SMG5: variants seen among roughly 807,000 people sequenced by gnomAD.
SMG5 encodes SMG5 nonsense mediated mRNA decay factor, also known as nonsense-mediated mRNA decay factor SMG5.
SMG5 carries 53 observed loss-of-function variants against 122.9 expected under a neutral mutation model. That is an observed-to-expected ratio of 0.43 (90% CI 0.35 to 0.54). SMG5 has a LOEUF of 0.54. Among genes scored for constraint, SMG5 ranks in the 20% least tolerant of loss-of-function variants. The pLI, the probability that SMG5 is intolerant of heterozygous loss-of-function variation, is 0.01. For synonymous variants in SMG5, 477 were observed against 490.2 expected (o/e 0.97, Z 0.35); for missense variants, 1,153 against 1,285.6 (o/e 0.90, Z 1.58).
At position 156,268,136 on chromosome 1, in the gene SMG5, C is replaced by A. The variant is rs749722110; in HGVS notation, c.887G>T (p.Ser296Ile). The change falls in exon 9 of 22, where the codon AGC (serine) becomes ATC (isoleucine). Residue 296 changes from serine (S) to isoleucine (I), a missense_variant. Physicochemically the swap from Ser to Ile is moderately radical, Grantham distance 142. Coordinates refer to ENST00000361813, the MANE Select transcript of SMG5 (RefSeq NM_015327.3). ...TCACCTGCTTTTGGGCTGTAGGAGG[C>A]TTTGCAGATACATAAAGTTCACTAG... ...RLLVNFMYLQ[S>I]LLQPKSSSVD... 6.2e-7 allele frequency: 1 copy of A among 1,614,162 alleles called. No individual in the cohort carries two copies. Among genetic ancestry groups the A allele is most frequent in the South Asian group, 1.1e-5 (1 of 91,082 alleles).
At chr1:156,254,112 C>T (rs1572572540) in intron 16 of SMG5, among the ~76,000 whole-genome samples, 1 of 152,296 alleles carries the variant, frequency 6.6e-6, no homozygotes, top group South Asian at 2.1e-4. Flanking sequence ...TTATCAGGTT[C>T]CCTGTCCTGT....
Position 156,278,028 on chromosome 1 carries a change from T to G in SMG5, c.194A>C (p.Lys65Thr). The G allele has an allele frequency of 6.2e-7, 1 of 1,614,126 alleles. No individual in the cohort carries two copies. Among genetic ancestry groups the G allele is most frequent in the Non-Finnish European group, 8.5e-7 (1 of 1,179,996 alleles). The change falls in exon 3 of 22, where the codon AAG (lysine) becomes ACG (threonine). Residue 65 changes from lysine (K) to threonine (T), a missense_variant. Lys to Thr is a moderately conservative substitution (Grantham distance 78). This residue lies in a region of SMG5 where 213 missense variants were observed against 197.5 expected (regional missense o/e 1.08). Coordinates refer to ENST00000361813, the MANE Select transcript of SMG5 (RefSeq NM_015327.3). ...GTCCACTGGGTGCAGGAACATAAGCTTGACGCAGAGCTCACGCAGCCTGGA... is the reference window on the plus strand; with the variant it reads ...GTCCACTGGGTGCAGGAACATAAGCGTGACGCAGAGCTCACGCAGCCTGGA... ...LRNKLRELCV[K>T]LMFLHPVDYG...
chr1:156,269,768 G>C (rs1662319577), intron 7 of SMG5, among the ~76,000 whole-genome samples: 1 of 152,212 alleles, frequency 6.6e-6, no homozygotes, highest in Admixed American at 6.5e-5. Flanking sequence ...CCAGCTACTT[G>C]GGAGGCTGAG....
chr1:156,254,446 G>GTT (rs1661486723), intron 16 of SMG5, among the ~76,000 whole-genome samples: 1 of 152,046 alleles, frequency 6.6e-6, no homozygotes, highest in Admixed American at 6.6e-5. Context: ...TTTTTATTAT[G>GTT]TTTTTCTTTT....
rs1420497269 is a variant in SMG5, at chr1:156,250,082, A to G, written c.*505T>C. Reference sequence around the variant, plus strand: ...CCTGGTCCCCATAAAGGGGGCTGAAAGGAGGATGGGTGATCCTTGAGGAGG... The same window carrying G: ...CCTGGTCCCCATAAAGGGGGCTGAAGGGAGGATGGGTGATCCTTGAGGAGG... On this transcript the variant is annotated 3_prime_UTR_variant, in exon 22 of 22. Coordinates refer to ENST00000361813, the MANE Select transcript of SMG5 (RefSeq NM_015327.3). 2 of 388,126 alleles carry G rather than the reference A, an allele frequency of 5.2e-6. No homozygotes were observed. The highest frequency in any genetic ancestry group is 7.3e-5 in the East Asian group (1 of 13,750). The allele number at this position is 388,126 out of a possible 1,614,324, so 24.0% of individuals were successfully genotyped here.
chr1:156,285,664 C>T (rs1249574827), upstream of SMG5: 13 of 1,613,844 alleles, frequency 8.1e-6, no homozygotes, highest in Admixed American at 1.2e-4. Context: ...AAGACCTTAT[C>T]GTGCGCTGTG....
At chr1:156,269,241 A>ATTAT (rs1293318467) in intron 7 of SMG5, among the ~76,000 whole-genome samples, 9 of 151,856 alleles carry the variant, frequency 5.9e-5, no homozygotes, top group Admixed American at 6.6e-5. Flanking sequence ...AAGTGCTGGG[A>ATTAT]TTATAGGCAC....
chr1:156,257,000 C>T (rs1372692553), intron 16 of SMG5, among the ~76,000 whole-genome samples: 1 of 150,734 alleles, frequency 6.6e-6, no homozygotes, highest in Non-Finnish European at 1.5e-5. Context: ...GATCTTGACT[C>T]ACTGCAACAT....
At chr1:156,254,830 C>G (rs1169880248) in intron 16 of SMG5, among the ~76,000 whole-genome samples, 1 of 152,102 alleles carries the variant, frequency 6.6e-6, no homozygotes, top group African/African-American at 2.4e-5. Flanking sequence ...TGGCTCACAC[C>G]TGTAATCCCA....
intron 12 of SMG5, among the ~76,000 whole-genome samples, chr1:156,264,193 G>A (rs1225126337): frequency 2.0e-5 from 3 of 149,222 alleles, no homozygotes; most frequent in South Asian, 2.1e-4. Flanking sequence ...GCTTGAACCC[G>A]GGAGGTGGAG....
chr1:156,278,199 A>C, intron 2 of SMG5, 151 bp from the exon 3 acceptor site: 1 of 929,950 alleles, frequency 1.1e-6, no homozygotes, highest in Non-Finnish European at 1.6e-6. Flanking sequence ...CCAGCACAAC[A>C]GCAGCCTAGG....
At chr1:156,251,520 G>C in intron 19 of SMG5, 43 bp from the exon 20 acceptor site, 1 of 1,601,206 alleles carries the variant, frequency 6.2e-7, no homozygotes, top group Non-Finnish European at 8.5e-7. Flanking sequence ...GCAGGAGACT[G>C]GCAGGGTGCC....
Position 156,263,513 on chromosome 1 carries a change from T to A in SMG5, c.1913A>T (p.Asn638Ile), listed in dbSNP as rs1349150804. ...AAGCTTCTCCTGGATGCTGCGCTCA[T>A]TCCGACAGGAGCGTCCACTGGACTC... ...GSESSGRSCR[N>I]ERSIQEKLQV... The change falls in exon 13 of 22, where the codon AAT (asparagine) becomes ATT (isoleucine). Residue 638 changes from asparagine (N) to isoleucine (I), a missense_variant. Physicochemically the swap from Asn to Ile is moderately radical, Grantham distance 149. This residue lies in a region of SMG5 where 631 missense variants were observed against 650.6 expected (regional missense o/e 0.97). Transcript: ENST00000361813. 4 of 1,614,254 alleles carry A rather than the reference T, an allele frequency of 2.5e-6. 1 individual carries two copies. Among genetic ancestry groups the A allele is most frequent in the African/African-American group, 2.7e-5 (2 of 75,066 alleles).
Position 156,250,522 on chromosome 1 carries a change from C to T in SMG5, c.*65G>A. On this transcript the variant is annotated 3_prime_UTR_variant, in exon 22 of 22. Transcript: ENST00000361813. ...TGGTGGGGTGACTACAGGTGCTGGT[C>T]CTGGCTGCCAGGGAGGGCAGGAGAG... The T allele has an allele frequency of 7.0e-7, 1 of 1,431,282 alleles. No individual in the cohort carries two copies. Among genetic ancestry groups the T allele is most frequent in the Non-Finnish European group, 9.9e-7 (1 of 1,014,522 alleles). The allele number at this position is 1,431,282 out of a possible 1,614,324, so 88.7% of individuals were successfully genotyped here. A position where few individuals can be genotyped will look rare whatever the true frequency, so the allele number is the denominator to read the frequency against.
intron 7 of SMG5, among the ~76,000 whole-genome samples, chr1:156,269,002 A>C (rs776731120): frequency 6.8e-6 from 1 of 147,582 alleles, no homozygotes; most frequent in South Asian, 2.1e-4. Context: ...ACTGAGTCTC[A>C]CTCTATCACC....
At chr1:156,265,429 C>A (rs959182118) in intron 12 of SMG5, among the ~76,000 whole-genome samples, 9 of 152,140 alleles carry the variant, frequency 5.9e-5, no homozygotes, top group African/African-American at 1.9e-4. Context: ...AATGCACCTG[C>A]GCTGGTGGGT....
chr1:156,275,525 C>T (rs1662642989), intron 4 of SMG5, among the ~76,000 whole-genome samples: 1 of 152,250 alleles, frequency 6.6e-6, no homozygotes, highest in Non-Finnish European at 1.5e-5. Flanking sequence ...CACACAGCTG[C>T]TAAGCAGCAG....
At position 156,265,841 on chromosome 1, in the gene SMG5, G is replaced by A. The variant is rs1662100610; in HGVS notation, c.1795C>T (p.His599Tyr). 1 of 1,614,230 alleles carries A rather than the reference G, an allele frequency of 6.2e-7. No individual in the cohort carries two copies. Among genetic ancestry groups the A allele is most frequent in the Non-Finnish European group, 8.5e-7 (1 of 1,180,052 alleles). Reference sequence around the variant, plus strand: ...CAAGGCCTGTGGCTGGCCGAGGTATGAGGGTTGGTGGTGGGCTGGAGGAGC... The same window carrying A: ...CAAGGCCTGTGGCTGGCCGAGGTATAAGGGTTGGTGGTGGGCTGGAGGAGC... Reference protein sequence around the residue: ...NLLLQPTTNPHTSASHRPCVN... With the variant: ...NLLLQPTTNPYTSASHRPCVN... Residue 599 changes from histidine (H) to tyrosine (Y), a missense_variant, in exon 12 of 22, where the codon CAT (histidine) becomes TAT (tyrosine). This residue lies in a region of SMG5 where 631 missense variants were observed against 650.6 expected (regional missense o/e 0.97). Transcript: ENST00000361813.
At chr1:156,261,890 C>CA (rs61569049) in intron 13 of SMG5, among the ~76,000 whole-genome samples, 166 of 90,132 alleles carry the variant, frequency 1.8e-3, no homozygotes, top group East Asian at 5.1e-3. Context: ...AACTCCTTCT[C>CA]AAAAAAAAAA....
Sources: gnomAD v4.1 joint callset for allele counts (sites outside exome capture counted in the v4.1 genomes callset) on GRCh38, gnomAD v4.1.1 for gene constraint, gnomAD v4.1.1 regional missense constraint, MANE v1.5 for transcripts, NCBI Gene and HGNC (gene_info 2026-07-23, HGNC 2026-07-21) for gene names.